RPTOR: variants seen among roughly 807,000 people sequenced by gnomAD.
The protein encoded by RPTOR is regulatory associated protein of MTOR complex 1, also known as regulatory-associated protein of mTOR.
RPTOR carries 21 observed loss-of-function variants against 169.9 expected under a neutral mutation model. The observed-to-expected ratio is 0.12, with a 90% CI of 0.09 to 0.18. The LOEUF is 0.18. Ranked by LOEUF, RPTOR falls within the 10% of genes least tolerant of loss-of-function variation. RPTOR has a pLI of 1.00. For missense variants in RPTOR, 1,133 were observed against 1,855.9 expected, an observed-to-expected ratio of 0.61 and a Z score of 7.16; for synonymous variants, 732 against 753.2, an observed-to-expected ratio of 0.97 and a Z score of 0.46.
At chr17:80,826,276 C>T (rs1246317419) in intron 9 of RPTOR, among the ~76,000 whole-genome samples, 1 of 152,224 alleles carries the variant, frequency 6.6e-6, no homozygotes, top group Non-Finnish European at 1.5e-5. Context: ...TTGATGGGGC[C>T]CTTGGGAGCG....
intron 1 of RPTOR, among the ~76,000 whole-genome samples, chr17:80,585,999 A>C (rs1363306043): frequency 1.3e-5 from 2 of 151,878 alleles, no homozygotes; most frequent in Non-Finnish European, 2.9e-5. Context: ...CCCCGTTCTC[A>C]GTGGTGGCCG....
intron 24 of RPTOR, among the ~76,000 whole-genome samples, chr17:80,931,716 G>A (rs1452287768): frequency 6.6e-6 from 1 of 152,218 alleles, no homozygotes; most frequent in South Asian, 2.1e-4. Context: ...CACACTGCAG[G>A]GAGCAGGACA....
intron 2 of RPTOR, among the ~76,000 whole-genome samples, chr17:80,635,731 G>A (rs1323008890): frequency 6.6e-6 from 1 of 152,180 alleles, no homozygotes; most frequent in African/African-American, 2.4e-5. Flanking sequence ...TTCTGGATGA[G>A]TGCGTGGAGG....
chr17:80,897,129 T>G (rs1445401725), intron 20 of RPTOR, among the ~76,000 whole-genome samples: 2 of 151,694 alleles, frequency 1.3e-5, no homozygotes, highest in African/African-American at 4.9e-5. Context: ...GGTGTGGTGG[T>G]GCGCACCTGT....
At chr17:80,907,418 G>A (rs2042359539) in intron 20 of RPTOR, among the ~76,000 whole-genome samples, 1 of 152,248 alleles carries the variant, frequency 6.6e-6, no homozygotes, top group African/African-American at 2.4e-5. Flanking sequence ...AGGCAGGGGA[G>A]GCAGCGCCTG....
chr17:80,691,570 T>C (rs1371136377), intron 3 of RPTOR, among the ~76,000 whole-genome samples: 1 of 152,230 alleles, frequency 6.6e-6, no homozygotes, highest in African/African-American at 2.4e-5. Flanking sequence ...GTTCCATCTT[T>C]GTGTTGGCCC....
At position 80,940,493 on chromosome 17, in the gene RPTOR, A is replaced by G; in HGVS notation, c.2920-3A>G. On this transcript the variant is annotated splice_region_variant and splice_polypyrimidine_tract_variant and intron_variant, in intron 24 of 33. Transcript: ENST00000306801. ...CTTAACTGGGTGTTTTCTGTTGTTGAAGATCCCAGAAGAGCACGACCTGGA... is the reference window on the plus strand; with the variant it reads ...CTTAACTGGGTGTTTTCTGTTGTTGGAGATCCCAGAAGAGCACGACCTGGA... 1 of 1,612,530 alleles carries G rather than the reference A, an allele frequency of 6.2e-7. No homozygotes were observed. Among genetic ancestry groups the G allele is most frequent in the Non-Finnish European group, 8.5e-7 (1 of 1,179,212 alleles).
chr17:80,627,383 A>C (rs80158897), intron 2 of RPTOR, among the ~76,000 whole-genome samples: 1 of 152,350 alleles, frequency 6.6e-6, no homozygotes, highest in African/African-American at 2.4e-5. Context: ...AAGTTTTGAC[A>C]AATATGTACA....
In RPTOR at chr17:80,878,800, A is replaced by G; in HGVS notation, c.1510-1615A>G. Among the ~76,000 whole-genome samples the G allele has an allele frequency of 6.6e-6, 1 of 152,204 alleles. No individual in the cohort carries two copies. The highest frequency in any genetic ancestry group is 1.5e-5 in the Non-Finnish European group (1 of 68,040). On this transcript the variant is annotated intron_variant, in intron 13 of 33. Transcript: ENST00000306801. This position sits in a 1 kb window ranked among gnomAD's most constrained non-coding sequence, Gnocchi z 4.1. ...ATCGTTACCCCTGAATATCCAAGGC[A>G]GGATCATTTTATTCCCTTCCAGAGC...
In RPTOR at chr17:80,841,655, ACT is replaced by A. The variant is rs1480141423; in HGVS notation, c.1212+3662_1212+3663del. Among the ~76,000 whole-genome samples the A allele has an allele frequency of 3.4e-5, 4 of 118,874 alleles. 1 individual carries two copies. The South Asian group carries it at 9.1e-4, about 27-fold the overall frequency. The allele number at this position is 118,874 out of a possible 152,430, so 78.0% of individuals were successfully genotyped here. ...GCTGACACTCACCACACGGCAGCTC[ACT>A]CTCACCGCGCCGCAGCTCACACTCA... is the stretch of plus-strand genomic sequence containing the variant. On this transcript the variant is annotated intron_variant, in intron 10 of 33. Transcript: ENST00000306801.
intron 28 of RPTOR, among the ~76,000 whole-genome samples, chr17:80,952,696 A>G (rs1241254421): frequency 6.6e-6 from 1 of 151,876 alleles, no homozygotes; most frequent in Non-Finnish European, 1.5e-5. Flanking sequence ...TGCTGTTCCC[A>G]GGGCACCTCT....
chr17:80,879,264 G>C (rs982782236), intron 13 of RPTOR, among the ~76,000 whole-genome samples: 2 of 151,592 alleles, frequency 1.3e-5, no homozygotes, highest in Non-Finnish European at 2.9e-5. Context: ...CTCCAACCCA[G>C]CCTGTCTGAC....
intron 6 of RPTOR, among the ~76,000 whole-genome samples, chr17:80,769,910 T>A (rs1347139240): frequency 6.8e-6 from 1 of 146,328 alleles, no homozygotes; most frequent in African/African-American, 2.6e-5. Flanking sequence ...TTGTGGTAGG[T>A]GCTGTGCAGC....
At chr17:80,868,608 C>T (rs1327658923) in intron 13 of RPTOR, among the ~76,000 whole-genome samples, 4 of 152,214 alleles carry the variant, frequency 2.6e-5, no homozygotes, top group African/African-American at 9.6e-5. Flanking sequence ...GCATACAATC[C>T]AGCCATTCCT....
intron 5 of RPTOR, among the ~76,000 whole-genome samples, chr17:80,753,563 G>T (rs1279282187): frequency 1.3e-5 from 2 of 150,412 alleles, no homozygotes; most frequent in Non-Finnish European, 3.0e-5. Flanking sequence ...AACCCGGGAG[G>T]CGGAGCTTGC....
At chr17:80,949,740 G>A (rs1330828347) in intron 28 of RPTOR, among the ~76,000 whole-genome samples, 193 bp downstream of exon 28, 1 of 152,222 alleles carries the variant, frequency 6.6e-6, no homozygotes, top group African/African-American at 2.4e-5. Flanking sequence ...TGCACTGCCT[G>A]GCTGGAGTCC....
intron 4 of RPTOR, among the ~76,000 whole-genome samples, chr17:80,725,565 C>G (rs1057401386): frequency 6.6e-6 from 1 of 152,170 alleles, no homozygotes; most frequent in Non-Finnish European, 1.5e-5. Flanking sequence ...GTCAGGATGA[C>G]AGAGGAATAT....
At position 80,580,614 on chromosome 17, in the gene RPTOR, G is replaced by A. The variant is rs370037602; in HGVS notation, c.162+34823G>A. On this transcript the variant is annotated intron_variant, in intron 1 of 33. Transcript: ENST00000306801. ...TAAGTAAAACAGTGAAGAGTGACCC[G>A]TGTGGGGTTTTTTGTGTTTTGTTTT... Among the ~76,000 whole-genome samples, 362 of 152,180 alleles carry A rather than the reference G, an allele frequency of 2.4e-3. 1 individual carries two copies. The highest frequency in any genetic ancestry group is 0.01 in the South Asian group (50 of 4,812).
rs1210158880 is a variant in RPTOR, at chr17:80,564,841, T to C, written c.162+19050T>C. On this transcript the variant is annotated intron_variant, in intron 1 of 33. Coordinates refer to ENST00000306801, the MANE Select transcript of RPTOR (RefSeq NM_020761.3). The stretch of plus-strand genomic sequence containing the variant: ...TAGCTCCCACTTATAAGTGAGAACA[T>C]GCGGTGTTTGGTTTTCTGTTCCCGT... 4.6e-5 allele frequency among the ~76,000 whole-genome samples: 7 copies of C among 152,224 alleles called. No individual in the cohort carries two copies. In the East Asian group the frequency reaches 1.2e-3, roughly 25 times the overall value.
Sources: gnomAD v4.1 joint callset for allele counts (sites outside exome capture counted in the v4.1 genomes callset) on GRCh38, gnomAD v4.1.1 for gene constraint, Gnocchi (gnomAD v3.1) non-coding constraint, MANE v1.5 for transcripts, NCBI Gene and HGNC (gene_info 2026-07-23, HGNC 2026-07-21) for gene names.